The following SDK1 variants were observed in gnomAD, a reference collection of about 807,000 sequenced individuals.
The protein encoded by SDK1 is sidekick cell adhesion molecule 1, also known as protein sidekick-1.
A neutral mutation model predicts 245.5 loss-of-function variants in SDK1; 157 were observed. That is an observed-to-expected ratio of 0.64 (90% confidence interval 0.56 to 0.73). SDK1 has a LOEUF of 0.73. Ranked by LOEUF, SDK1 falls within the 30% of genes least tolerant of loss-of-function variation. The pLI is 0.00. For missense variants in SDK1, 3,583 were observed against 3,002.3 expected (o/e 1.19, Z -4.52); for synonymous variants, 1,647 against 1,278.5 (o/e 1.29, Z -6.15).
chr7:3,760,736 A>G (rs1452288378), intron 4 of SDK1, among the ~76,000 whole-genome samples: 8 of 152,170 alleles, frequency 5.3e-5, no homozygotes, highest in Non-Finnish European at 1.2e-4. Flanking sequence ...CCTGGCAACC[A>G]CTGATCTGTT....
rs559065786 is a variant in SDK1 at position 3,938,645 on chromosome 7, C to CAAAAAAAAA, written c.848-12271_848-12263dup. On this transcript the variant is annotated intron_variant, in intron 5 of 44. Transcript: ENST00000404826. ...TGGGCGACAGAGTGAGACTCCGTCT[C>CAAAAAAAAA]AAAAAAAAAAAAAAAGAGATCCTCA... Among the ~76,000 whole-genome samples the CAAAAAAAAA allele has an allele frequency of 4.4e-5, 4 of 90,592 alleles. 1 individual carries two copies. Among genetic ancestry groups the CAAAAAAAAA allele is most frequent in the African/African-American group, 2.1e-4 (4 of 18,624 alleles). The allele number at this position is 90,592 out of a possible 152,430, so 59.4% of individuals were successfully genotyped here.
intron 1 of SDK1, among the ~76,000 whole-genome samples, chr7:3,609,846 A>T (rs1781537011): frequency 6.6e-6 from 1 of 151,978 alleles, no homozygotes; most frequent in Admixed American, 6.6e-5. Context: ...GACCACACGC[A>T]CACACCATCA....
intron 5 of SDK1, among the ~76,000 whole-genome samples, chr7:3,930,994 TTTTA>T (rs1327616507): frequency 6.6e-6 from 1 of 152,228 alleles, no homozygotes; most frequent in African/African-American, 2.4e-5. Context: ...GCTGAATTAT[TTTTA>T]TTTATGTAAA....
intron 4 of SDK1, among the ~76,000 whole-genome samples, chr7:3,791,394 T>A (rs924231158): frequency 2.6e-5 from 4 of 152,162 alleles, no homozygotes; most frequent in Non-Finnish European, 5.9e-5. Flanking sequence ...AGAAGCCATG[T>A]CATATGGACC....
chr7:4,049,939 A>G (rs73040482), intron 18 of SDK1, among the ~76,000 whole-genome samples: 16,945 of 152,212 alleles, frequency 0.11, 1,064 homozygotes, highest in African/African-American at 0.14. Context: ...CTACCCGCCC[A>G]TACTGAATTA....
intron 2 of SDK1, among the ~76,000 whole-genome samples, chr7:3,631,308 A>G (rs1027183353): frequency 6.6e-6 from 1 of 152,132 alleles, no homozygotes; most frequent in Non-Finnish European, 1.5e-5. Context: ...AGTCTATTAT[A>G]TTTAATTGAG....
chr7:3,701,036 G>C (rs573760080), intron 4 of SDK1, among the ~76,000 whole-genome samples: 1 of 152,156 alleles, frequency 6.6e-6, no homozygotes, highest in Non-Finnish European at 1.5e-5. Flanking sequence ...ACCAGTTGCC[G>C]CGCAGGGAGG....
chr7:4,083,668 C>G (rs376582908), intron 22 of SDK1, among the ~76,000 whole-genome samples: 8 of 7,734 alleles, frequency 1.0e-3, no homozygotes, highest in Admixed American at 2.9e-3. Flanking sequence ...TCCCTTCTTT[C>G]CTCCCTCTCT....
chr7:3,942,869 C>A (rs965993976), intron 5 of SDK1, among the ~76,000 whole-genome samples: 2 of 152,182 alleles, frequency 1.3e-5, no homozygotes, highest in African/African-American at 4.8e-5. Context: ...GTTCATGTTG[C>A]CCATGTCCAC....
chr7:4,086,125 G>T (rs1024539745), intron 22 of SDK1, among the ~76,000 whole-genome samples: 1 of 151,926 alleles, frequency 6.6e-6, no homozygotes, highest in Non-Finnish European at 1.5e-5. Flanking sequence ...GGCATATTGC[G>T]CCTTGCTGTC....
intron 1 of SDK1, among the ~76,000 whole-genome samples, chr7:3,339,165 A>G (rs1780279572): frequency 7.3e-6 from 1 of 137,170 alleles, no homozygotes; most frequent in Non-Finnish European, 1.6e-5. Flanking sequence ...AACATTCAAA[A>G]ATAATTTCAG....
chr7:3,425,898 C>A (rs1301125225), intron 1 of SDK1, among the ~76,000 whole-genome samples: 1 of 149,392 alleles, frequency 6.7e-6, no homozygotes, highest in Non-Finnish European at 1.5e-5. Context: ...ACAATAGGAG[C>A]CCACATAGGA....
intron 1 of SDK1, among the ~76,000 whole-genome samples, chr7:3,363,616 T>C (rs1583747153): frequency 6.6e-6 from 1 of 152,088 alleles, no homozygotes; most frequent in South Asian, 2.1e-4. Context: ...GTGTGGATGG[T>C]TTTGGGATGA....
chr7:4,006,223 C>T (rs969685365), intron 14 of SDK1, among the ~76,000 whole-genome samples: 13 of 152,268 alleles, frequency 8.5e-5, no homozygotes, highest in South Asian at 2.1e-4. Context: ...ACAGCTAAAG[C>T]GGGGTTGTGA....
rs140059076 is a variant in SDK1 at position 4,115,924 on chromosome 7, G to A, written c.3823+1650G>A. Reference sequence around the variant, plus strand: ...AAAGATGAGCTAGGAAGCCAAGTGCGTGACGGGTATCAGAGAAAACCTCGC... The same window carrying A: ...AAAGATGAGCTAGGAAGCCAAGTGCATGACGGGTATCAGAGAAAACCTCGC... On this transcript the variant is annotated intron_variant, in intron 25 of 44. Transcript: ENST00000404826. 9.8e-4 allele frequency among the ~76,000 whole-genome samples: 149 copies of A among 152,344 alleles called. 1 individual carries two copies. Among genetic ancestry groups the A allele is most frequent in the African/African-American group, 3.1e-3 (128 of 41,580 alleles).
chr7:3,917,867 C>A (rs972758977), intron 5 of SDK1, among the ~76,000 whole-genome samples: 7 of 152,188 alleles, frequency 4.6e-5, no homozygotes, highest in African/African-American at 1.7e-4. Flanking sequence ...CACACACCTC[C>A]TCCTGCACTC....
chr7:4,199,773 AT>A (rs1271033730), intron 35 of SDK1, among the ~76,000 whole-genome samples: 1 of 151,920 alleles, frequency 6.6e-6, no homozygotes, highest in African/African-American at 2.4e-5. Flanking sequence ...CTCTCCACAC[AT>A]CCCTGTGCTC....
At chr7:4,002,192 G>A (rs931973156) in intron 14 of SDK1, among the ~76,000 whole-genome samples, 2 of 152,206 alleles carry the variant, frequency 1.3e-5, no homozygotes, top group Non-Finnish European at 2.9e-5. Flanking sequence ...GCTCTGACTA[G>A]ACCAAGAGAA....
At chr7:3,352,531 C>G (rs1274249389) in intron 1 of SDK1, among the ~76,000 whole-genome samples, 2 of 152,040 alleles carry the variant, frequency 1.3e-5, no homozygotes, top group Non-Finnish European at 2.9e-5. Flanking sequence ...GCTGATAGAC[C>G]AGCTGTGCCT....
Sources: allele counts gnomAD v4.1 joint callset (sites outside exome capture counted in the v4.1 genomes callset), GRCh38; gene constraint gnomAD v4.1.1; transcripts MANE v1.5; gene names NCBI Gene and HGNC (gene_info 2026-07-23, HGNC 2026-07-21).